HMBOX1: variants seen among roughly 807,000 people sequenced by gnomAD.
The protein encoded by HMBOX1 is homeobox-containing protein 1.
In HMBOX1, 14 loss-of-function variants were observed where a neutral mutation model predicts 54.5. That is an observed-to-expected ratio of 0.26 (90% confidence interval 0.17 to 0.40). The LOEUF (loss-of-function observed/expected upper bound fraction) is 0.40. Among genes scored for constraint, HMBOX1 ranks in the 10% least tolerant of loss-of-function variants. The probability of loss-of-function intolerance (pLI) is 1.00; values close to 1 mark genes in which losing one functional copy is unlikely to be tolerated. For synonymous variants in HMBOX1, 160 were observed against 181.0 expected (o/e 0.88, Z 0.93); for missense variants, 332 against 514.4 (o/e 0.65, Z 3.43).
chr8:29,013,288 G>A (rs572690867), intron 5 of HMBOX1, among the ~76,000 whole-genome samples: 21 of 152,148 alleles, frequency 1.4e-4, no homozygotes, highest in Admixed American at 8.5e-4. Context: ...GGCACGTGCC[G>A]CCACGCCCAG....
intron 2 of HMBOX1, 45 bp from the exon 3 acceptor site, chr8:28,969,998 A>C (rs767143629): frequency 1.7e-6 from 2 of 1,158,820 alleles, no homozygotes; most frequent in Non-Finnish European, 1.3e-6. Flanking sequence ...GTGCTTTGGT[A>C]GATACTGTCA....
intron 4 of HMBOX1, among the ~76,000 whole-genome samples, chr8:29,003,075 C>G: frequency 6.7e-6 from 1 of 149,056 alleles, no homozygotes; most frequent in East Asian, 2.0e-4. Flanking sequence ...AAACTGAGTA[C>G]AGTCTTGTCT....
chr8:28,917,464 T>C (rs2131739857), intron 1 of HMBOX1, among the ~76,000 whole-genome samples: 1 of 152,314 alleles, frequency 6.6e-6, no homozygotes, highest in Non-Finnish European at 1.5e-5. Flanking sequence ...CTAGAAACCT[T>C]AAGATTTTCT....
chr8:28,910,880 C>T (rs1486121103), intron 1 of HMBOX1, among the ~76,000 whole-genome samples: 6 of 152,092 alleles, frequency 3.9e-5, no homozygotes, highest in African/African-American at 1.4e-4. Flanking sequence ...AAAATTCATG[C>T]TCATTTTAAA....
intron 4 of HMBOX1, among the ~76,000 whole-genome samples, chr8:29,000,879 T>TA: frequency 6.6e-6 from 1 of 152,354 alleles, no homozygotes; most frequent in Non-Finnish European, 1.5e-5. Context: ...ATGCTATTCT[T>TA]ACCAAAATTC....
At chr8:28,921,031 A>C (rs1047873110) in intron 1 of HMBOX1, among the ~76,000 whole-genome samples, 3 of 152,248 alleles carry the variant, frequency 2.0e-5, no homozygotes, top group African/African-American at 7.2e-5. Flanking sequence ...TTTCATAAGC[A>C]TTTAAAATCA....
chr8:28,930,548 A>G (rs1348551750), intron 1 of HMBOX1, among the ~76,000 whole-genome samples: 1 of 152,200 alleles, frequency 6.6e-6, no homozygotes, highest in African/African-American at 2.4e-5. Context: ...GTATTATGCA[A>G]ATATCACTGT....
chr8:29,036,795 A>G (rs1183842040), intron 6 of HMBOX1, among the ~76,000 whole-genome samples: 2 of 152,260 alleles, frequency 1.3e-5, no homozygotes, highest in Admixed American at 6.5e-5. Context: ...AACCTGAGTT[A>G]TAAGTCATGT....
At chr8:29,021,721 G>C (rs1026849045) in intron 6 of HMBOX1, among the ~76,000 whole-genome samples, 1 of 151,858 alleles carries the variant, frequency 6.6e-6, no homozygotes, top group African/African-American at 2.4e-5. Context: ...TTAGCCGGGC[G>C]TGGTGGCGGG....
At chr8:28,900,383 G>T (rs1813029293) in intron 1 of HMBOX1, among the ~76,000 whole-genome samples, 2 of 150,366 alleles carry the variant, frequency 1.3e-5, no homozygotes, top group South Asian at 2.1e-4. Flanking sequence ...AATTCTAATT[G>T]GTATAGTCCT....
chr8:29,035,703 C>A (rs559288431), intron 6 of HMBOX1, among the ~76,000 whole-genome samples: 1 of 152,318 alleles, frequency 6.6e-6, no homozygotes, highest in African/African-American at 2.4e-5. Flanking sequence ...ACTAGCAAAA[C>A]CAAACACTGC....
intron 6 of HMBOX1, among the ~76,000 whole-genome samples, chr8:29,032,447 GAAA>G (rs797012206): frequency 7.0e-6 from 1 of 142,582 alleles, no homozygotes; most frequent in South Asian, 2.2e-4. Context: ...TTTTCAATTA[GAAA>G]AAAAAAAAAT....
chr8:28,937,678 A>G (rs1820642438), intron 1 of HMBOX1, among the ~76,000 whole-genome samples: 1 of 152,190 alleles, frequency 6.6e-6, no homozygotes, highest in East Asian at 1.9e-4. Context: ...TTTATCATTT[A>G]GAGTCCCCCT....
intron 1 of HMBOX1, among the ~76,000 whole-genome samples, chr8:28,897,298 T>G (rs902727438): frequency 1.1e-4 from 17 of 151,562 alleles, no homozygotes; most frequent in African/African-American, 3.9e-4. Flanking sequence ...TTTTTTTAAA[T>G]GAGGAATTAT....
At chr8:28,909,524 C>G (rs1437813006) in intron 1 of HMBOX1, among the ~76,000 whole-genome samples, 2 of 152,168 alleles carry the variant, frequency 1.3e-5, no homozygotes, top group African/African-American at 4.8e-5. Flanking sequence ...CAATACTGGT[C>G]TACAGACCAG....
At chr8:28,974,481 C>T (rs944751099) in intron 3 of HMBOX1, among the ~76,000 whole-genome samples, 18 of 151,876 alleles carry the variant, frequency 1.2e-4, no homozygotes, top group Admixed American at 1.1e-3. Context: ...TTAATAATGC[C>T]ATACATTAAG....
chr8:29,032,522 T>A (rs1164036785), intron 6 of HMBOX1, among the ~76,000 whole-genome samples: 1 of 152,216 alleles, frequency 6.6e-6, no homozygotes, highest in Admixed American at 6.5e-5. Context: ...TAACAAAAAT[T>A]ATAAAATTCA....
chr8:28,911,864 A>G (rs969070892), intron 1 of HMBOX1, among the ~76,000 whole-genome samples: 1 of 152,124 alleles, frequency 6.6e-6, no homozygotes, highest in African/African-American at 2.4e-5. Context: ...CCAAGGGACA[A>G]CTGTACAGAT....
At chr8:29,002,647 T>C (rs1290870757) in intron 4 of HMBOX1, among the ~76,000 whole-genome samples, 2 of 152,180 alleles carry the variant, frequency 1.3e-5, no homozygotes, top group Non-Finnish European at 2.9e-5. Flanking sequence ...GTGGACTCTT[T>C]CGAGAACCTC....
Sources: gnomAD v4.1 joint callset for allele counts (sites outside exome capture counted in the v4.1 genomes callset) on GRCh38, gnomAD v4.1.1 for gene constraint, MANE v1.5 for transcripts, NCBI Gene and HGNC (gene_info 2026-07-23, HGNC 2026-07-21) for gene names.